The following PDGFD variants were observed in gnomAD, a reference collection of about 807,000 sequenced individuals.
PDGFD encodes the protein platelet-derived growth factor D.
In PDGFD, 30 loss-of-function variants were observed where a neutral mutation model predicts 44.7. That is an observed-to-expected ratio of 0.67 (90% CI 0.50 to 0.91). The LOEUF is 0.91. Among genes scored for constraint, PDGFD ranks in the 40% least tolerant of loss-of-function variants. PDGFD has a pLI of 0.00. For missense variants in PDGFD, 445 were observed against 457.8 expected, an observed-to-expected ratio of 0.97 and a Z score of 0.25; for synonymous variants, 173 against 168.4, an observed-to-expected ratio of 1.03 and a Z score of -0.21.
rs144455506 is a variant in PDGFD at position 104,071,429 on chromosome 11, C to CGTGT, written c.125-71178_125-71175dup. The stretch of plus-strand genomic sequence containing the variant: ...ATATGGGTATATTTATATTTGAGTG[C>CGTGT]GTGTGTGTGTGTGTGTGTGTTATAT... On this transcript the variant is annotated intron_variant, in intron 1 of 6. Coordinates refer to ENST00000393158, the MANE Select transcript of PDGFD (RefSeq NM_025208.5). Among the ~76,000 whole-genome samples the CGTGT allele has an allele frequency of 7.5e-5, 11 of 145,706 alleles. No individual in the cohort carries two copies. The South Asian group carries it at 1.1e-3, about 14-fold the overall frequency.
intron 1 of PDGFD, among the ~76,000 whole-genome samples, chr11:104,030,037 T>C (rs1860100686): frequency 1.3e-5 from 2 of 152,206 alleles, no homozygotes; most frequent in South Asian, 4.1e-4. Context: ...TTAGTCAAAA[T>C]GTAAGTTAAA....
intron 1 of PDGFD, among the ~76,000 whole-genome samples, chr11:104,055,959 G>C (rs1340921868): frequency 6.6e-6 from 1 of 151,884 alleles, no homozygotes; most frequent in Non-Finnish European, 1.5e-5. Context: ...TAAAATAACA[G>C]GCCTAATAAA....
At chr11:103,939,335 C>G (rs897083160) in intron 5 of PDGFD, among the ~76,000 whole-genome samples, 2 of 152,076 alleles carry the variant, frequency 1.3e-5, no homozygotes, top group African/African-American at 4.8e-5. Context: ...TGGGAGTTCA[C>G]TCGTGATTTG....
At chr11:103,916,952 G>C (rs112041155) in intron 6 of PDGFD, among the ~76,000 whole-genome samples, 75 of 152,198 alleles carry the variant, frequency 4.9e-4, no homozygotes, top group South Asian at 4.2e-4. Flanking sequence ...TGCGGGACTA[G>C]GGAAGGGATA....
intron 1 of PDGFD, among the ~76,000 whole-genome samples, chr11:104,097,423 T>C (rs1171722199): frequency 6.6e-6 from 1 of 152,196 alleles, no homozygotes; most frequent in East Asian, 1.9e-4. Flanking sequence ...ACTGAACCTT[T>C]ATATTCCTCT....
At chr11:103,975,302 T>C (rs562176030) in intron 3 of PDGFD, among the ~76,000 whole-genome samples, 2 of 152,346 alleles carry the variant, frequency 1.3e-5, no homozygotes, top group East Asian at 3.9e-4. Flanking sequence ...TTGAGAAGTG[T>C]CTGTTCATAT....
At chr11:104,030,783 T>A (rs758936192) in intron 1 of PDGFD, among the ~76,000 whole-genome samples, 7 of 152,142 alleles carry the variant, frequency 4.6e-5, no homozygotes, top group Non-Finnish European at 8.8e-5. Flanking sequence ...TACACTATAA[T>A]CATGGTTAAA....
intron 5 of PDGFD, among the ~76,000 whole-genome samples, chr11:103,933,601 T>A (rs936269875): frequency 1.3e-5 from 2 of 152,218 alleles, no homozygotes; most frequent in Non-Finnish European, 2.9e-5. Context: ...AATTCCTGAT[T>A]TTCAAGGTTT....
At chr11:104,044,566 T>C (rs1343917988) in intron 1 of PDGFD, among the ~76,000 whole-genome samples, 1 of 152,236 alleles carries the variant, frequency 6.6e-6, no homozygotes, top group African/African-American at 2.4e-5. Context: ...AAATATGCTA[T>C]GGGTTGACAA....
chr11:104,013,248 A>G (rs1410542849), intron 1 of PDGFD, among the ~76,000 whole-genome samples: 2 of 151,542 alleles, frequency 1.3e-5, no homozygotes, highest in African/African-American at 4.9e-5. Flanking sequence ...ACTCAATAAA[A>G]CCTCCACATT....
rs558875773 is a variant in PDGFD at position 103,985,597 on chromosome 11, A to T, written c.510+10468T>A. On this transcript the variant is annotated intron_variant, in intron 3 of 6. Transcript: ENST00000393158. ...ATACATGAGAAATGTAACAGCCAGG[A>T]ATGAGAGATGAGGAATCCTGAGGTG... is the stretch of plus-strand genomic sequence containing the variant. Among the ~76,000 whole-genome samples the T allele has an allele frequency of 3.3e-5, 5 of 151,904 alleles. No individual in the cohort carries two copies. The South Asian group carries it at 1.0e-3, about 31-fold the overall frequency.
intron 1 of PDGFD, among the ~76,000 whole-genome samples, chr11:104,143,966 T>C (rs1282192120): frequency 6.6e-6 from 1 of 150,522 alleles, no homozygotes; most frequent in Non-Finnish European, 1.5e-5. Flanking sequence ...AAAGCTTCGA[T>C]TGGCAAGTCA....
intron 1 of PDGFD, among the ~76,000 whole-genome samples, chr11:104,121,622 TTAAA>T (rs953018644): frequency 6.6e-6 from 1 of 152,058 alleles, no homozygotes; most frequent in African/African-American, 2.4e-5. Context: ...AATTTTTAGA[TTAAA>T]TAGACATAAA....
intron 1 of PDGFD, among the ~76,000 whole-genome samples, chr11:104,130,058 A>C (rs1310814724): frequency 6.6e-6 from 1 of 151,846 alleles, no homozygotes; most frequent in African/African-American, 2.4e-5. Context: ...AGCATAGGGA[A>C]TTAAAGGGGG....
chr11:104,000,957 T>C (rs1301259404), intron 1 of PDGFD, among the ~76,000 whole-genome samples: 3 of 151,168 alleles, frequency 2.0e-5, no homozygotes, highest in Non-Finnish European at 2.9e-5. Flanking sequence ...AGAAATATTT[T>C]TGTTATTCAT....
rs1368933297 is a variant in PDGFD at position 104,140,045 on chromosome 11, C to T, written c.124+23759G>A. Among the ~76,000 whole-genome samples, 5 of 19,964 alleles carry T rather than the reference C, an allele frequency of 2.5e-4. 2 individuals carry two copies. The highest frequency in any genetic ancestry group is 2.1e-3 in the African/African-American group (4 of 1,888). The allele number at this position is 19,964 out of a possible 152,430, so 13.1% of individuals were successfully genotyped here. On this transcript the variant is annotated intron_variant, in intron 1 of 6. Transcript: ENST00000393158. ...ACTGCAGTCCGCAGTCTGGCCTGGG[C>T]GACAGAGCGAGACTCCGTCTCAAAA... is the stretch of plus-strand genomic sequence containing the variant.
At chr11:104,102,655 A>T (rs1340778828) in intron 1 of PDGFD, among the ~76,000 whole-genome samples, 1 of 152,198 alleles carries the variant, frequency 6.6e-6, no homozygotes, top group Non-Finnish European at 1.5e-5. Context: ...ACTATTCACA[A>T]CAGCAAAGAC....
intron 1 of PDGFD, among the ~76,000 whole-genome samples, chr11:104,109,026 G>A (rs1020576246): frequency 2.7e-5 from 4 of 148,160 alleles, no homozygotes; most frequent in Non-Finnish European, 5.9e-5. Context: ...ACAGGAAGGG[G>A]GACATCACAC....
intron 3 of PDGFD, among the ~76,000 whole-genome samples, chr11:103,983,227 G>C (rs756987281): frequency 6.6e-6 from 1 of 151,638 alleles, no homozygotes; most frequent in Non-Finnish European, 1.5e-5. Context: ...CAGATACCTA[G>C]ACCAATGGAA....
Sources: gnomAD v4.1 joint callset for allele counts (sites outside exome capture counted in the v4.1 genomes callset) on GRCh38, gnomAD v4.1.1 for gene constraint, MANE v1.5 for transcripts, NCBI Gene and HGNC (gene_info 2026-07-23, HGNC 2026-07-21) for gene names.